FGF14: variants seen among roughly 807,000 people sequenced by gnomAD.
The protein encoded by FGF14 is fibroblast growth factor 14.
In FGF14, 5 loss-of-function variants were observed where a neutral mutation model predicts 25.5. The observed-to-expected ratio is 0.20, with a 90% confidence interval of 0.10 to 0.41. FGF14 has a LOEUF of 0.41. Ranked by LOEUF, FGF14 falls within the 10% of genes least tolerant of loss-of-function variation. The pLI is 1.00. For synonymous variants in FGF14, 138 were observed against 118.3 expected (o/e 1.17, Z -1.08); for missense variants, 222 against 320.1 (o/e 0.69, Z 2.34).
At chr13:102,151,564 T>A (rs2047086976) in intron 1 of FGF14, among the ~76,000 whole-genome samples, 1 of 152,180 alleles carries the variant, frequency 6.6e-6, no homozygotes, top group Non-Finnish European at 1.5e-5. Context: ...AATGGTGGGA[T>A]CTTGGCTCAA....
intron 3 of FGF14, among the ~76,000 whole-genome samples, chr13:101,830,038 C>T (rs2042590560): frequency 6.6e-6 from 1 of 152,080 alleles, no homozygotes; most frequent in Non-Finnish European, 1.5e-5. Context: ...CCTGGGAGAC[C>T]TTAGGCAGGC....
chr13:102,333,378 A>G (rs1267189168), intron 1 of FGF14, among the ~76,000 whole-genome samples: 1 of 152,188 alleles, frequency 6.6e-6, no homozygotes, highest in Non-Finnish European at 1.5e-5. Context: ...CAAATAAAAG[A>G]AAGCTGGCCC....
intron 1 of FGF14, among the ~76,000 whole-genome samples, chr13:101,980,879 A>G (rs889961932): frequency 3.3e-5 from 5 of 152,160 alleles, no homozygotes. Flanking sequence ...CACCAATGTG[A>G]TAGTATTAGG....
At chr13:102,210,892 C>G (rs1194246095) in intron 1 of FGF14, among the ~76,000 whole-genome samples, 1 of 152,116 alleles carries the variant, frequency 6.6e-6, no homozygotes, top group Non-Finnish European at 1.5e-5. Context: ...TAATCATAGT[C>G]TCAATTGTAG....
intron 3 of FGF14, among the ~76,000 whole-genome samples, chr13:101,823,275 C>G (rs201032058): frequency 1.3e-5 from 2 of 150,920 alleles, no homozygotes; most frequent in Non-Finnish European, 2.9e-5. Context: ...GAGGAATTGA[C>G]ATTGTTTTCA....
intron 1 of FGF14, among the ~76,000 whole-genome samples, chr13:101,964,102 G>T (rs1414747357): frequency 6.6e-6 from 1 of 152,168 alleles, no homozygotes. Flanking sequence ...GATCACTGAA[G>T]GTAAAAGTTG....
chr13:102,156,730 T>C (rs1242305231), intron 1 of FGF14, among the ~76,000 whole-genome samples: 1 of 152,166 alleles, frequency 6.6e-6, no homozygotes, highest in Non-Finnish European at 1.5e-5. Flanking sequence ...TGTCCCTGTT[T>C]GCAGACGACA....
At chr13:101,781,038 G>GGCCAC (rs1183251057) in intron 3 of FGF14, among the ~76,000 whole-genome samples, 4 of 151,894 alleles carry the variant, frequency 2.6e-5, no homozygotes, top group Non-Finnish European at 5.9e-5. Flanking sequence ...TGCTACTCAT[G>GGCCAC]GCCACCTCAC....
chr13:101,817,971 A>G (rs530744828), intron 3 of FGF14, among the ~76,000 whole-genome samples: 3 of 152,214 alleles, frequency 2.0e-5, no homozygotes, highest in Non-Finnish European at 4.4e-5. Context: ...ATTGTATGCC[A>G]TCTCATTTTT....
chr13:102,259,981 C>T (rs1452715212), intron 1 of FGF14, among the ~76,000 whole-genome samples: 2 of 152,178 alleles, frequency 1.3e-5, no homozygotes, highest in Admixed American at 6.5e-5. Context: ...CCCACGTTCC[C>T]GACACCCTTT....
At chr13:102,124,497 AG>A (rs1566716693) in intron 1 of FGF14, among the ~76,000 whole-genome samples, 1 of 152,126 alleles carries the variant, frequency 6.6e-6, no homozygotes, top group Non-Finnish European at 1.5e-5. Flanking sequence ...AATTTTCTGT[AG>A]TACTGGAAGG....
intron 1 of FGF14, among the ~76,000 whole-genome samples, chr13:102,041,568 C>G (rs1348432910): frequency 7.5e-6 from 1 of 133,482 alleles, no homozygotes; most frequent in Admixed American, 7.8e-5. Flanking sequence ...GCAAAAATTA[C>G]TTTGTGTTTC....
chr13:101,742,808 C>T (rs1002645881), intron 3 of FGF14, among the ~76,000 whole-genome samples: 4 of 152,104 alleles, frequency 2.6e-5, no homozygotes, highest in East Asian at 3.9e-4. Context: ...ATACCTCCCT[C>T]GCAATTTGTC....
At chr13:102,013,359 A>T (rs1165630028) in intron 1 of FGF14, among the ~76,000 whole-genome samples, 4 of 152,162 alleles carry the variant, frequency 2.6e-5, no homozygotes, top group Admixed American at 6.5e-5. Context: ...CATGAGAATA[A>T]ATGTTAAAAA....
intron 1 of FGF14, among the ~76,000 whole-genome samples, chr13:101,972,131 A>G (rs2037634345): frequency 6.6e-6 from 1 of 152,240 alleles, no homozygotes; most frequent in Non-Finnish European, 1.5e-5. Flanking sequence ...GACTCAGTAC[A>G]ATGGCAGAGG....
intron 1 of FGF14, chr13:102,293,598 A>T (rs1236242328): frequency 6.6e-6 from 1 of 152,228 alleles, no homozygotes; most frequent in African/African-American, 2.4e-5. Context: ...CACTTGAAAA[A>T]CATTTGAGAA....
rs1566764675 is a variant in FGF14, at chr13:102,161,627, A to AGACGAAGAAGAC, written c.208+239843_208+239844insGTCTTCTTCGTC. Among the ~76,000 whole-genome samples, 8 of 20,848 alleles carry AGACGAAGAAGAC rather than the reference A, an allele frequency of 3.8e-4. 1 individual carries two copies. Among genetic ancestry groups the AGACGAAGAAGAC allele is most frequent in the African/African-American group, 9.1e-4 (2 of 2,186 alleles). The allele number at this position is 20,848 out of a possible 152,430, so 13.7% of individuals were successfully genotyped here. A position where few individuals can be genotyped will look rare whatever the true frequency, so the allele number is the denominator to read the frequency against. On this transcript the variant is annotated intron_variant, in intron 1 of 4. Coordinates refer to the FGF14 transcript ENST00000376131. ...AAGAAGAAGAAGAAGAAGAAGAAGA[A>AGACGAAGAAGAC]GAAGAAGAAGAAGAAGAAGAAGAAG... is the stretch of plus-strand genomic sequence containing the variant.
intron 1 of FGF14, among the ~76,000 whole-genome samples, chr13:101,910,666 C>G (rs28535384): frequency 6.6e-6 from 1 of 152,210 alleles, no homozygotes; most frequent in African/African-American, 2.4e-5. Flanking sequence ...GGTATACTGT[C>G]ACCCCAGTAA....
At chr13:102,348,147 T>G (rs1594913619) in intron 1 of FGF14, among the ~76,000 whole-genome samples, 1 of 152,176 alleles carries the variant, frequency 6.6e-6, no homozygotes, top group Non-Finnish European at 1.5e-5. Flanking sequence ...TGTAGAAAGA[T>G]GAGTTCCAAG....
Sources: allele counts gnomAD v4.1 joint callset (sites outside exome capture counted in the v4.1 genomes callset), GRCh38; gene constraint gnomAD v4.1.1; transcripts MANE v1.5; gene names NCBI Gene and HGNC (gene_info 2026-07-23, HGNC 2026-07-21).